The following ITGBL1 variants were observed in gnomAD, a reference collection of about 807,000 sequenced individuals.
ITGBL1 encodes the protein integrin beta-like protein 1.
A neutral mutation model predicts 68.5 loss-of-function variants in ITGBL1; 51 were observed. The observed-to-expected ratio is 0.74, with a 90% CI of 0.59 to 0.94. ITGBL1 has a LOEUF of 0.94. Ranked by LOEUF, ITGBL1 falls within the 40% of genes least tolerant of loss-of-function variation. ITGBL1 has a pLI of 0.00. For missense variants in ITGBL1, 649 were observed against 647.4 expected (o/e 1.00, Z -0.03); for synonymous variants, 209 against 227.3 (o/e 0.92, Z 0.72).
intron 2 of ITGBL1, among the ~76,000 whole-genome samples, chr13:101,547,475 C>T (rs901352795): frequency 6.6e-6 from 1 of 151,388 alleles, no homozygotes; most frequent in Non-Finnish European, 1.5e-5. Flanking sequence ...TCCTTAACAC[C>T]TCTTTGGAAG....
At chr13:101,529,033 C>T (rs1377150493) in intron 2 of ITGBL1, among the ~76,000 whole-genome samples, 8 of 151,228 alleles carry the variant, frequency 5.3e-5, no homozygotes, top group African/African-American at 1.9e-4. Flanking sequence ...GGCACTATAC[C>T]ATAGGGAAAA....
intron 2 of ITGBL1, among the ~76,000 whole-genome samples, chr13:101,490,511 T>C (rs2048761186): frequency 6.6e-6 from 1 of 152,190 alleles, no homozygotes; most frequent in Non-Finnish European, 1.5e-5. Context: ...ATAATACTAC[T>C]AACAGGGCTG....
chr13:101,671,273 C>A (rs1232200044), intron 7 of ITGBL1, among the ~76,000 whole-genome samples: 1 of 152,022 alleles, frequency 6.6e-6, no homozygotes. Context: ...AAATTAATTA[C>A]ATGAAGTGAA....
chr13:101,632,614 TACTC>T (rs1234231471), intron 7 of ITGBL1, among the ~76,000 whole-genome samples: 12 of 152,230 alleles, frequency 7.9e-5, no homozygotes, highest in Admixed American at 1.3e-4. Context: ...AATGGAATAT[TACTC>T]AATAATAAAG....
chr13:101,708,339 G>T (rs2034309383), intron 9 of ITGBL1, among the ~76,000 whole-genome samples: 1 of 152,030 alleles, frequency 6.6e-6, no homozygotes, highest in African/African-American at 2.4e-5. Flanking sequence ...CTCCTCTTCA[G>T]CTCAGTATCC....
At chr13:101,558,083 C>CAAAAAAAAAAAA (rs568103738) in intron 2 of ITGBL1, among the ~76,000 whole-genome samples, 9 of 71,686 alleles carry the variant, frequency 1.3e-4, no homozygotes, top group African/African-American at 4.1e-4. Context: ...AACTCCGTCT[C>CAAAAAAAAAAAA]AAAAAAAAAA....
intron 2 of ITGBL1, among the ~76,000 whole-genome samples, chr13:101,499,912 C>A (rs769232163): frequency 6.6e-6 from 1 of 152,180 alleles, no homozygotes; most frequent in African/African-American, 2.4e-5. Context: ...CAGCCTCCTT[C>A]CACTGGCTCT....
intron 2 of ITGBL1, among the ~76,000 whole-genome samples, chr13:101,554,564 C>A (rs942200195): frequency 6.6e-6 from 1 of 152,192 alleles, no homozygotes; most frequent in Non-Finnish European, 1.5e-5. Context: ...TTCTCATGAG[C>A]CATGCTGCGT....
chr13:101,477,527 A>G (rs937425644), intron 2 of ITGBL1, among the ~76,000 whole-genome samples: 4 of 152,054 alleles, frequency 2.6e-5, no homozygotes, highest in African/African-American at 9.7e-5. Flanking sequence ...ATAACAAAAG[A>G]TCAACCAAAG....
chr13:101,613,844 C>A (rs1323726141), intron 7 of ITGBL1, among the ~76,000 whole-genome samples: 1 of 152,126 alleles, frequency 6.6e-6, no homozygotes, highest in Non-Finnish European at 1.5e-5. Flanking sequence ...TGCTGAGCAG[C>A]CACATGAAGA....
intron 7 of ITGBL1, among the ~76,000 whole-genome samples, chr13:101,668,923 C>T (rs755702076): frequency 6.6e-6 from 1 of 151,896 alleles, no homozygotes; most frequent in Non-Finnish European, 1.5e-5. Flanking sequence ...AAAATTTGTT[C>T]TATGAGGAAG....
intron 7 of ITGBL1, among the ~76,000 whole-genome samples, chr13:101,657,691 A>G (rs1306704241): frequency 6.6e-6 from 1 of 152,238 alleles, no homozygotes; most frequent in African/African-American, 2.4e-5. Flanking sequence ...CCATGGGGCC[A>G]TCAGTATTCA....
At chr13:101,604,516 A>G (rs1594922021) in intron 7 of ITGBL1, among the ~76,000 whole-genome samples, 2 of 151,682 alleles carry the variant, frequency 1.3e-5, no homozygotes, top group African/African-American at 4.8e-5. Flanking sequence ...GAATCATGAC[A>G]GTATGTAAGA....
intron 6 of ITGBL1, among the ~76,000 whole-genome samples, chr13:101,586,080 C>A (rs142533363): frequency 6.6e-6 from 1 of 152,114 alleles, no homozygotes; most frequent in Non-Finnish European, 1.5e-5. Context: ...GTGCAATTCC[C>A]GCAGCGTGTC....
chr13:101,525,589 A>G (rs1843364447), intron 2 of ITGBL1, among the ~76,000 whole-genome samples: 1 of 151,758 alleles, frequency 6.6e-6, no homozygotes, highest in South Asian at 2.1e-4. Context: ...TTCCAGATGA[A>G]TTCCGTGTCT....
intron 2 of ITGBL1, among the ~76,000 whole-genome samples, chr13:101,536,459 G>T (rs991099713): frequency 1.3e-5 from 2 of 151,964 alleles, no homozygotes; most frequent in African/African-American, 4.8e-5. Context: ...GCATTATTGA[G>T]AAGAGGCAAA....
intron 7 of ITGBL1, among the ~76,000 whole-genome samples, chr13:101,604,887 T>TACATACACACAC (rs1555361672): frequency 4.5e-4 from 10 of 22,168 alleles, no homozygotes; most frequent in South Asian, 5.1e-3. Context: ...TATATATATA[T>TACATACACACAC]ACACACACAC....
chr13:101,693,163 C>A (rs556315977), intron 8 of ITGBL1, among the ~76,000 whole-genome samples: 1 of 152,262 alleles, frequency 6.6e-6, no homozygotes, highest in East Asian at 1.9e-4. Flanking sequence ...CATTAATAAA[C>A]TGTCCAGAGA....
intron 7 of ITGBL1, among the ~76,000 whole-genome samples, chr13:101,685,709 G>A (rs1156897238): frequency 1.3e-5 from 2 of 152,064 alleles, no homozygotes; most frequent in Non-Finnish European, 2.9e-5. Flanking sequence ...ATATATTTGA[G>A]AGTGTTCATC....
Sources: allele counts gnomAD v4.1 joint callset (sites outside exome capture counted in the v4.1 genomes callset), GRCh38; gene constraint gnomAD v4.1.1; transcripts MANE v1.5; gene names NCBI Gene and HGNC (gene_info 2026-07-23, HGNC 2026-07-21).